Variants in ZNF385D observed in about 807,000 individuals in gnomAD.
The protein encoded by ZNF385D is zinc finger protein 659.
A neutral mutation model predicts 35.8 loss-of-function variants in ZNF385D; 15 were observed. That is an observed-to-expected ratio of 0.42 (90% CI 0.28 to 0.64). The LOEUF (loss-of-function observed/expected upper bound fraction) is 0.64. Among genes scored for constraint, ZNF385D ranks in the 30% least tolerant of loss-of-function variants. The pLI is 0.23. For synonymous variants in ZNF385D, 212 were observed against 186.8 expected, an observed-to-expected ratio of 1.13 and a Z score of -1.10; for missense variants, 474 against 494.6, an observed-to-expected ratio of 0.96 and a Z score of 0.39.
intron 2 of ZNF385D, among the ~76,000 whole-genome samples, chr3:22,242,007 T>C (rs950440243): frequency 6.8e-6 from 1 of 148,064 alleles, no homozygotes; most frequent in South Asian, 2.2e-4. Context: ...TTCTCACTCA[T>C]AGGTGGGAAT....
intron 3 of ZNF385D, among the ~76,000 whole-genome samples, chr3:22,167,718 A>G (rs1449886835): frequency 1.3e-5 from 2 of 152,216 alleles, no homozygotes. Flanking sequence ...TGATCAAGAA[A>G]TGTCCTGTGT....
intron 2 of ZNF385D, among the ~76,000 whole-genome samples, chr3:22,206,330 C>T (rs559805667): frequency 3.5e-4 from 53 of 152,006 alleles, no homozygotes; most frequent in African/African-American, 1.3e-3. Context: ...ACAATAGCCG[C>T]TAGAGACTTC....
At chr3:21,943,057 CTG>C (rs1166831014) in intron 3 of ZNF385D, among the ~76,000 whole-genome samples, 1 of 151,942 alleles carries the variant, frequency 6.6e-6, no homozygotes, top group Non-Finnish European at 1.5e-5. Context: ...AAAATAAAAA[CTG>C]TATCAGAAAA....
chr3:21,846,004 T>C (rs1695981816), intron 3 of ZNF385D, among the ~76,000 whole-genome samples: 1 of 152,048 alleles, frequency 6.6e-6, no homozygotes, highest in African/African-American at 2.4e-5. Flanking sequence ...TACGCTACAC[T>C]TCTGAAGGCT....
intron 2 of ZNF385D, among the ~76,000 whole-genome samples, chr3:22,291,430 G>A (rs1033593125): frequency 1.4e-4 from 22 of 151,886 alleles, no homozygotes; most frequent in Non-Finnish European, 3.1e-4. Flanking sequence ...TTAATTAATA[G>A]TAAATTCTTA....
At chr3:22,199,202 C>T (rs2728972) in intron 2 of ZNF385D, among the ~76,000 whole-genome samples, 92,004 of 151,932 alleles carry the variant, frequency 0.61, 30,277 homozygotes, top group African/African-American at 0.87. Context: ...AGTTTCTGTC[C>T]CCTCCACCCT....
intron 2 of ZNF385D, among the ~76,000 whole-genome samples, chr3:22,296,416 GGAA>G (rs1424306631): frequency 1.3e-5 from 2 of 152,072 alleles, no homozygotes; most frequent in Non-Finnish European, 2.9e-5. Context: ...GGGTTCTCCA[GGAA>G]GAAAATGCTA....
At chr3:21,435,786 A>T in intron 5 of ZNF385D, among the ~76,000 whole-genome samples, 1 of 152,178 alleles carries the variant, frequency 6.6e-6, no homozygotes, top group East Asian at 1.9e-4. Flanking sequence ...CAAGGTATAG[A>T]TTCTACCTTA....
intron 2 of ZNF385D, among the ~76,000 whole-genome samples, chr3:22,266,935 C>G: frequency 6.6e-6 from 1 of 151,824 alleles, no homozygotes; most frequent in Admixed American, 6.6e-5. Flanking sequence ...TCTTTCCTTC[C>G]GAGGATATGT....
At chr3:21,725,033 C>T (rs2068700677) in intron 1 of ZNF385D, among the ~76,000 whole-genome samples, 1 of 152,170 alleles carries the variant, frequency 6.6e-6, no homozygotes, top group South Asian at 2.1e-4. Context: ...GAAACTCACT[C>T]AAAACTGAAC....
At chr3:21,794,945 G>C (rs1223035566) in intron 3 of ZNF385D, among the ~76,000 whole-genome samples, 1 of 152,022 alleles carries the variant, frequency 6.6e-6, no homozygotes, top group East Asian at 1.9e-4. Context: ...AGCAAATATT[G>C]ACAAATCATA....
At chr3:22,260,296 C>T (rs1700556835) in intron 2 of ZNF385D, among the ~76,000 whole-genome samples, 1 of 151,892 alleles carries the variant, frequency 6.6e-6, no homozygotes, top group African/African-American at 2.4e-5. Flanking sequence ...AATGAGAACA[C>T]ATGAACAATG....
At chr3:21,906,005 T>C (rs568025820) in intron 3 of ZNF385D, among the ~76,000 whole-genome samples, 1 of 152,234 alleles carries the variant, frequency 6.6e-6, no homozygotes, top group Middle Eastern at 3.4e-3. Flanking sequence ...AACAAGTGGG[T>C]TCAAGTCCCA....
At chr3:22,178,896 G>A (rs1452339818) in intron 2 of ZNF385D, among the ~76,000 whole-genome samples, 1 of 152,144 alleles carries the variant, frequency 6.6e-6, no homozygotes, top group Non-Finnish European at 1.5e-5. Flanking sequence ...GATAGTTGTA[G>A]ATATGTGGCA....
intron 4 of ZNF385D, chr3:21,459,214 C>A (rs1703016492): frequency 6.6e-6 from 1 of 152,160 alleles, no homozygotes; most frequent in Non-Finnish European, 1.5e-5. Flanking sequence ...ACTCAAGGTG[C>A]AACACAAAAG....
chr3:21,794,398 A>G (rs1284031384), intron 3 of ZNF385D, among the ~76,000 whole-genome samples: 1 of 152,070 alleles, frequency 6.6e-6, no homozygotes, highest in Non-Finnish European at 1.5e-5. Context: ...TGTCATTGAA[A>G]CGACAGAAAA....
intron 2 of ZNF385D, among the ~76,000 whole-genome samples, chr3:21,606,898 A>G (rs1367710918): frequency 6.6e-6 from 1 of 151,744 alleles, no homozygotes; most frequent in East Asian, 1.9e-4. Flanking sequence ...ATTCTGCTGC[A>G]AATGGATGAA....
chr3:22,169,113 A>T (rs1284261241), intron 2 of ZNF385D: 5 of 652,272 alleles, frequency 7.7e-6, no homozygotes, highest in Non-Finnish European at 9.5e-6. Context: ...TGGGTGGCAA[A>T]TAAGGATTGT....
chr3:21,467,065 C>T (rs1703561722), intron 4 of ZNF385D, among the ~76,000 whole-genome samples: 1 of 152,164 alleles, frequency 6.6e-6, no homozygotes, highest in African/African-American at 2.4e-5. Flanking sequence ...GTGCTGAATA[C>T]TGATGGAGTA....
Sources: gnomAD v4.1 joint callset for allele counts (sites outside exome capture counted in the v4.1 genomes callset) on GRCh38, gnomAD v4.1.1 for gene constraint, MANE v1.5 for transcripts, NCBI Gene and HGNC (gene_info 2026-07-23, HGNC 2026-07-21) for gene names.